PCDH15: variants seen among roughly 807,000 people sequenced by gnomAD.
The protein encoded by PCDH15 is protocadherin related 15, also known as protocadherin-15.
Under a neutral mutation model 178.5 loss-of-function variants are expected in PCDH15, and 129 were observed. The ratio of observed to expected loss-of-function variants is 0.72; its 90% CI spans 0.63 to 0.84. The LOEUF is 0.84. PCDH15 is among the 40% of genes least tolerant of loss of function. The pLI, the probability that PCDH15 is intolerant of heterozygous loss-of-function variation, is 0.00. For missense variants in PCDH15, 2,230 were observed against 2,099.9 expected (o/e 1.06, Z -1.21); for synonymous variants, 800 against 732.0 (o/e 1.09, Z -1.50).
At chr10:54,899,080 T>TA (rs923753312) in intron 2 of PCDH15, among the ~76,000 whole-genome samples, 2 of 152,030 alleles carry the variant, frequency 1.3e-5, no homozygotes. Context: ...GATTGCCATT[T>TA]AAAAAAAGTA....
chr10:54,105,535 A>T (rs1302829513), intron 15 of PCDH15, among the ~76,000 whole-genome samples: 1 of 152,006 alleles, frequency 6.6e-6, no homozygotes, highest in African/African-American at 2.4e-5. Flanking sequence ...CAGGAGAAAG[A>T]TGTAGGCTGT....
chr10:54,792,237 T>C (rs1447473925), intron 1 of PCDH15, among the ~76,000 whole-genome samples: 1 of 151,938 alleles, frequency 6.6e-6, no homozygotes, highest in Non-Finnish European at 1.5e-5. Flanking sequence ...AATACTTGCC[T>C]ACTCCAGCCA....
chr10:55,391,525 C>T (rs771491675), intron 2 of PCDH15, among the ~76,000 whole-genome samples: 17 of 151,968 alleles, frequency 1.1e-4, no homozygotes, highest in South Asian at 4.1e-4. Context: ...CTTGCCCTGT[C>T]GCCCAGGATG....
intron 2 of PCDH15, among the ~76,000 whole-genome samples, chr10:55,443,819 A>C (rs944666384): frequency 6.6e-6 from 1 of 152,196 alleles, no homozygotes; most frequent in Non-Finnish European, 1.5e-5. Flanking sequence ...ATTCTACTAT[A>C]AAGACACATG....
chr10:54,467,533 T>C (rs1303286881), intron 3 of PCDH15, among the ~76,000 whole-genome samples: 1 of 151,798 alleles, frequency 6.6e-6, no homozygotes, highest in Non-Finnish European at 1.5e-5. Context: ...TTGTTACTGT[T>C]TGTTTCAATT....
At chr10:53,889,081 A>G (rs770153453) in intron 26 of PCDH15, among the ~76,000 whole-genome samples, 1 of 151,876 alleles carries the variant, frequency 6.6e-6, no homozygotes, top group Admixed American at 6.6e-5. Context: ...AAAAAATCCC[A>G]TATGGACTGT....
At chr10:54,939,609 C>A (rs1297417649) in intron 2 of PCDH15, among the ~76,000 whole-genome samples, 1 of 151,152 alleles carries the variant, frequency 6.6e-6, no homozygotes, top group Non-Finnish European at 1.5e-5. Flanking sequence ...TCATAAAGTC[C>A]CTTCTTTTAT....
At chr10:54,034,230 T>C (rs551000032) in intron 18 of PCDH15, among the ~76,000 whole-genome samples, 2 of 152,056 alleles carry the variant, frequency 1.3e-5, no homozygotes, top group East Asian at 3.9e-4. Flanking sequence ...CTATCAATCA[T>C]TTCATTTGCT....
intron 2 of PCDH15, among the ~76,000 whole-genome samples, chr10:55,390,355 G>C (rs1394617287): frequency 6.6e-6 from 1 of 152,144 alleles, no homozygotes; most frequent in Admixed American, 6.6e-5. Flanking sequence ...GCTGCTGAAC[G>C]CTGGGGTGGC....
intron 25 of PCDH15, among the ~76,000 whole-genome samples, chr10:53,926,252 C>T (rs1328067158): frequency 1.3e-5 from 2 of 152,178 alleles, no homozygotes; most frequent in African/African-American, 2.4e-5. Context: ...CTAACTTTCT[C>T]ATGTTAATTC....
At chr10:54,578,433 G>A (rs1184180307) in intron 2 of PCDH15, among the ~76,000 whole-genome samples, 2 of 151,840 alleles carry the variant, frequency 1.3e-5, no homozygotes, top group Non-Finnish European at 2.9e-5. Flanking sequence ...AACCTTATAG[G>A]AAAACACTAG....
At position 55,458,223 on chromosome 10, in the gene PCDH15, G is replaced by C. The variant is rs572601761; in HGVS notation, c.-156+169402C>G. Among the ~76,000 whole-genome samples, 4 of 151,944 alleles carry C rather than the reference G, an allele frequency of 2.6e-5. No homozygotes were observed. In the East Asian group the frequency reaches 7.7e-4, roughly 29 times the overall value. ...TTTGATTACAAACTCTAAATATATT[G>C]ACATTGATTTGTGAATATCTTCTCC... is the stretch of plus-strand genomic sequence containing the variant. On this transcript the variant is annotated intron_variant, in intron 2 of 5. Transcript: ENST00000613346.
chr10:55,623,972 C>T (rs1418947478), intron 2 of PCDH15, among the ~76,000 whole-genome samples: 3 of 151,990 alleles, frequency 2.0e-5, no homozygotes, highest in South Asian at 2.1e-4. Flanking sequence ...GGGAAAGGGG[C>T]TATGTGAAAA....
chr10:55,348,477 A>T (rs1206021991), intron 2 of PCDH15, among the ~76,000 whole-genome samples: 3 of 152,036 alleles, frequency 2.0e-5, no homozygotes, highest in Non-Finnish European at 4.4e-5. Context: ...GAACAAACAA[A>T]CCCCTGGCTT....
At chr10:53,943,368 C>T (rs569804726) in intron 23 of PCDH15, among the ~76,000 whole-genome samples, 55 of 151,772 alleles carry the variant, frequency 3.6e-4, no homozygotes, top group African/African-American at 1.1e-3. Flanking sequence ...CCCAGCTACT[C>T]GGGAGGATGA....
intron 1 of PCDH15, among the ~76,000 whole-genome samples, chr10:54,695,264 G>T (rs2095204368): frequency 6.6e-6 from 1 of 152,072 alleles, no homozygotes; most frequent in Non-Finnish European, 1.5e-5. Flanking sequence ...AAGTGTTACT[G>T]GTTTGGATAG....
intron 2 of PCDH15, among the ~76,000 whole-genome samples, chr10:55,358,170 C>T (rs1438352048): frequency 6.6e-6 from 1 of 152,064 alleles, no homozygotes; most frequent in Non-Finnish European, 1.5e-5. Context: ...AAACTGAACA[C>T]TTCTTTCACT....
chr10:55,595,268 T>C (rs1250752856), intron 2 of PCDH15, among the ~76,000 whole-genome samples: 1 of 152,028 alleles, frequency 6.6e-6, no homozygotes, highest in Non-Finnish European at 1.5e-5. Context: ...TTCTGCAAAG[T>C]ATTAGTATAT....
At chr10:55,607,602 C>T (rs1157392171) in intron 2 of PCDH15, among the ~76,000 whole-genome samples, 2 of 148,172 alleles carry the variant, frequency 1.3e-5, no homozygotes, top group Middle Eastern at 7.0e-3. Flanking sequence ...TTTGTAGGGA[C>T]ATGGATGAAA....
Sources: gnomAD v4.1 joint callset for allele counts (sites outside exome capture counted in the v4.1 genomes callset) on GRCh38, gnomAD v4.1.1 for gene constraint, MANE v1.5 for transcripts, NCBI Gene and HGNC (gene_info 2026-07-23, HGNC 2026-07-21) for gene names.